SSH2: variants seen among roughly 807,000 people sequenced by gnomAD.
The protein encoded by SSH2 is slingshot protein phosphatase 2, also known as protein phosphatase Slingshot homolog 2.
A neutral mutation model predicts 135.2 loss-of-function variants in SSH2; 37 were observed. The observed-to-expected ratio is 0.27, with a 90% CI of 0.21 to 0.36. The LOEUF is 0.36. SSH2 is among the 10% of genes least tolerant of loss of function. SSH2 has a pLI of 1.00. For synonymous variants in SSH2, 628 were observed against 646.2 expected (o/e 0.97, Z 0.43); for missense variants, 1,408 against 1,765.3 (o/e 0.80, Z 3.63).
chr17:29,908,952 C>T (rs190328030), intron 1 of SSH2, among the ~76,000 whole-genome samples: 7 of 151,802 alleles, frequency 4.6e-5, no homozygotes, highest in African/African-American at 1.7e-4. Context: ...TGGCGGGTGC[C>T]TGTAGTCCCA....
At chr17:29,824,795 T>G (rs1383073165) in intron 2 of SSH2, among the ~76,000 whole-genome samples, 1 of 152,188 alleles carries the variant, frequency 6.6e-6, no homozygotes, top group Non-Finnish European at 1.5e-5. Flanking sequence ...ACATTTGTTG[T>G]TTTTGCCTGC....
Position 29,844,572 on chromosome 17 carries a change from C to T in SSH2, c.144+4277G>A, listed in dbSNP as rs115913551. On this transcript the variant is annotated intron_variant, in intron 2 of 15. Coordinates refer to ENST00000540801, the MANE Select transcript of SSH2 (RefSeq NM_001282129.2). ...CCCAACCTGCTCTAGTCACTGCCTACATTCCTTCTTATCTGAAGCCAAGGT... is the reference window on the plus strand; with the variant it reads ...CCCAACCTGCTCTAGTCACTGCCTATATTCCTTCTTATCTGAAGCCAAGGT... Among the ~76,000 whole-genome samples the T allele has an allele frequency of 5.5e-3, 840 of 152,340 alleles. 6 individuals carry two copies. The highest frequency in any genetic ancestry group is 0.019 in the African/African-American group (794 of 41,584).
chr17:29,644,267 G>A (rs532507034), intron 14 of SSH2, among the ~76,000 whole-genome samples: 37 of 152,332 alleles, frequency 2.4e-4, no homozygotes, highest in African/African-American at 8.9e-4. Flanking sequence ...CTGGAGGAAA[G>A]AGAGTGAGGG....
chr17:29,837,440 T>C (rs1416630420), intron 2 of SSH2, among the ~76,000 whole-genome samples: 1 of 152,194 alleles, frequency 6.6e-6, no homozygotes, highest in Non-Finnish European at 1.5e-5. Flanking sequence ...ACCATCTTAC[T>C]GGTGGCAGCA....
chr17:29,856,290 G>A, intron 1 of SSH2: 1 of 259,654 alleles, frequency 3.9e-6, no homozygotes, highest in Non-Finnish European at 7.5e-6. Context: ...CAGATGATCT[G>A]TATGTCACTG....
intron 8 of SSH2, among the ~76,000 whole-genome samples, chr17:29,672,974 T>G (rs2037554861): frequency 6.6e-6 from 1 of 152,142 alleles, no homozygotes; most frequent in Admixed American, 6.6e-5. Context: ...CCAAAAATGC[T>G]GGGATTACAG....
At chr17:29,818,556 G>T (rs2042599708) in intron 2 of SSH2, among the ~76,000 whole-genome samples, 2 of 152,010 alleles carry the variant, frequency 1.3e-5, no homozygotes, top group African/African-American at 2.4e-5. Context: ...CCCGCCAAGG[G>T]TATTCTTAAA....
chr17:29,896,522 T>C (rs2066448348), intron 1 of SSH2, among the ~76,000 whole-genome samples: 1 of 150,100 alleles, frequency 6.7e-6, no homozygotes, highest in African/African-American at 2.4e-5. Context: ...TAGATTTTGG[T>C]ATTTTATAAA....
chr17:29,718,358 T>G (rs181101261), intron 3 of SSH2, among the ~76,000 whole-genome samples: 98 of 152,314 alleles, frequency 6.4e-4, no homozygotes, highest in Non-Finnish European at 1.1e-3. Flanking sequence ...GCTATCACCA[T>G]CCTGTATGTT....
rs2035560391 is a variant in SSH2 at position 29,628,408 on chromosome 17, G to A, written c.*2433C>T. 1 of 152,156 alleles carries A rather than the reference G, an allele frequency of 6.6e-6. No individual in the cohort carries two copies. The allele number at this position is 152,156 out of a possible 1,614,324, so 9.4% of individuals were successfully genotyped here. A position where few individuals can be genotyped will look rare whatever the true frequency, so the allele number is the denominator to read the frequency against. The stretch of plus-strand genomic sequence containing the variant: ...AGTGAACATTAAACACAGTGGAGGG[G>A]AGAAGAGGGAACAGTCCAAAACTTT... On this transcript the variant is annotated 3_prime_UTR_variant, in exon 16 of 16. Transcript: ENST00000540801.
chr17:29,842,895 G>A (rs2043067852), intron 2 of SSH2, among the ~76,000 whole-genome samples: 1 of 152,266 alleles, frequency 6.6e-6, no homozygotes, highest in South Asian at 2.1e-4. Context: ...AAACTCCTGT[G>A]GGGCAGCTGT....
chr17:29,845,711 C>A lies in SSH2; in HGVS notation c.144+3138G>T, dbSNP rs188763610. Among the ~76,000 whole-genome samples the A allele has an allele frequency of 2.0e-5, 3 of 151,900 alleles. No individual in the cohort carries two copies. In the East Asian group the frequency reaches 5.8e-4, roughly 29 times the overall value. Reference sequence around the variant, plus strand: ...AGTAGCTAGGACTACAAGTATGTGCCACCATGCCCGGCTAATTGTTTTATT... The same window carrying A: ...AGTAGCTAGGACTACAAGTATGTGCAACCATGCCCGGCTAATTGTTTTATT... On this transcript the variant is annotated intron_variant, in intron 2 of 15. Coordinates refer to ENST00000540801, the MANE Select transcript of SSH2 (RefSeq NM_001282129.2).
chr17:29,757,742 AAG>A (rs1201356367), intron 3 of SSH2, among the ~76,000 whole-genome samples: 2 of 120,984 alleles, frequency 1.7e-5, no homozygotes, highest in Non-Finnish European at 3.3e-5. Flanking sequence ...AAAAAAAAAA[AAG>A]AGAGAGAGAG....
intron 3 of SSH2, among the ~76,000 whole-genome samples, chr17:29,793,051 T>C (rs564674509): frequency 7.8e-4 from 119 of 152,212 alleles, no homozygotes; most frequent in African/African-American, 2.8e-3. Flanking sequence ...CTCTGTATCA[T>C]CTAGAATGGC....
chr17:29,888,583 A>G (rs551484061), intron 1 of SSH2, among the ~76,000 whole-genome samples: 5 of 152,250 alleles, frequency 3.3e-5, no homozygotes, highest in African/African-American at 9.6e-5. Flanking sequence ...TTGATGGTTT[A>G]TATTTCTACA....
At chr17:29,920,097 G>A (rs2066949698) in intron 1 of SSH2, among the ~76,000 whole-genome samples, 1 of 152,064 alleles carries the variant, frequency 6.6e-6, no homozygotes, top group Non-Finnish European at 1.5e-5. Context: ...GTAGAGACAG[G>A]GTTTCTCCAT....
chr17:29,725,917 T>A (rs1449143682), intron 3 of SSH2, among the ~76,000 whole-genome samples: 2 of 151,238 alleles, frequency 1.3e-5, no homozygotes, highest in African/African-American at 2.4e-5. Context: ...AAAGAAAATT[T>A]AAAAAAAGCC....
intron 3 of SSH2, among the ~76,000 whole-genome samples, chr17:29,703,709 G>A (rs1338643095): frequency 6.6e-6 from 1 of 152,028 alleles, no homozygotes; most frequent in Non-Finnish European, 1.5e-5. Flanking sequence ...CTCCTGAGTA[G>A]CTGGGATTAC....
intron 5 of SSH2, among the ~76,000 whole-genome samples, chr17:29,692,579 T>C (rs1055032325): frequency 6.6e-6 from 1 of 152,250 alleles, no homozygotes; most frequent in Non-Finnish European, 1.5e-5. Flanking sequence ...CAAGTCTCTA[T>C]GTAGTTAAAA....
Sources: gnomAD v4.1 joint callset for allele counts (sites outside exome capture counted in the v4.1 genomes callset) on GRCh38, gnomAD v4.1.1 for gene constraint, MANE v1.5 for transcripts, NCBI Gene and HGNC (gene_info 2026-07-23, HGNC 2026-07-21) for gene names.